Variants in BLTP1 observed in about 807,000 individuals in gnomAD.
BLTP1 encodes the protein fragile site-associated protein.
the BLTP1 span, chr4:122,235,105 C>T: frequency 8.3e-7 from 1 of 1,200,844 alleles, no homozygotes; most frequent in East Asian, 2.4e-5. Flanking sequence ...AGTGTTAACT[C>T]TGTTCAACTC....
At chr4:122,159,545 T>C in the BLTP1 span, among the ~76,000 whole-genome samples, 1 of 152,188 alleles carries the variant, frequency 6.6e-6, no homozygotes, top group Non-Finnish European at 1.5e-5. Context: ...GACTTTATTG[T>C]TTTTTAGCTT....
At chr4:122,241,692 A>T in the BLTP1 span, among the ~76,000 whole-genome samples, 1 of 152,198 alleles carries the variant, frequency 6.6e-6, no homozygotes, top group Non-Finnish European at 1.5e-5. Flanking sequence ...TTAAGGTTGT[A>T]CTGTTTTCTT....
chr4:122,360,514 C>T, the BLTP1 span, among the ~76,000 whole-genome samples: 1 of 152,096 alleles, frequency 6.6e-6, no homozygotes, highest in South Asian at 2.1e-4. Flanking sequence ...CCCAGCACAA[C>T]ATTCTGCAAA....
the BLTP1 span, among the ~76,000 whole-genome samples, chr4:122,220,813 A>G: frequency 6.6e-6 from 1 of 152,192 alleles, no homozygotes; most frequent in African/African-American, 2.4e-5. Context: ...CACAGCATAA[A>G]TGTTAATATT....
chr4:122,361,998 A>G, the BLTP1 span: 41 of 1,582,426 alleles, frequency 2.6e-5, no homozygotes, highest in African/African-American at 3.1e-4. Context: ...AGGGCATTAC[A>G]CTCCTTAATA....
At chr4:122,227,097 T>C in the BLTP1 span, 1 of 587,780 alleles carries the variant, frequency 1.7e-6, no homozygotes. Flanking sequence ...TTAACATTCA[T>C]GTCATATTGC....
chr4:122,244,103 T>A, the BLTP1 span: 15 of 1,402,064 alleles, frequency 1.1e-5, no homozygotes, highest in Non-Finnish European at 1.4e-5. Context: ...ATATGTGATA[T>A]GTTCGTGTAG....
chr4:122,244,136 A>G, the BLTP1 span: 3 of 1,145,648 alleles, frequency 2.6e-6, no homozygotes, highest in Non-Finnish European at 1.2e-6. Context: ...AGTTATAAGT[A>G]TATGTGATAT....
At chr4:122,188,256 A>G in the BLTP1 span, 1 of 639,774 alleles carries the variant, frequency 1.6e-6, no homozygotes, top group Non-Finnish European at 1.9e-6. Flanking sequence ...ATAAATGGAT[A>G]TGCTATCCAG....
At chr4:122,356,796 C>A in the BLTP1 span, 1 of 1,588,020 alleles carries the variant, frequency 6.3e-7, no homozygotes, top group Non-Finnish European at 8.5e-7. Flanking sequence ...GCAAGAATGG[C>A]AGCTGTCAAT....
chr4:122,318,828 T>C, the BLTP1 span, among the ~76,000 whole-genome samples: 9 of 152,350 alleles, frequency 5.9e-5, no homozygotes, highest in South Asian at 2.1e-4. Context: ...TAAAGGTAAC[T>C]TGTTAAGAGT....
chr4:122,175,992 A>G, the BLTP1 span: 1 of 792,060 alleles, frequency 1.3e-6, no homozygotes, highest in Non-Finnish European at 2.2e-6. Flanking sequence ...AAAATTAGAT[A>G]TGACCAGTTA....
the BLTP1 span, among the ~76,000 whole-genome samples, chr4:122,326,708 G>T: frequency 4.0e-5 from 6 of 151,214 alleles, no homozygotes; most frequent in Non-Finnish European, 5.9e-5. Flanking sequence ...TAAAAAAATG[G>T]TATATAAAAA....
the BLTP1 span, chr4:122,182,963 T>A: frequency 1.0e-6 from 1 of 983,614 alleles, no homozygotes; most frequent in South Asian, 4.7e-5. Flanking sequence ...ACTTCATACG[T>A]GTATTCTGGT....
chr4:122,336,086 C>T, the BLTP1 span: 10 of 829,374 alleles, frequency 1.2e-5, no homozygotes, highest in African/African-American at 1.7e-4. Context: ...CTTGTAAGGC[C>T]TTAAATGTGA....
chr4:122,307,827 A>G, the BLTP1 span: 3 of 1,496,872 alleles, frequency 2.0e-6, no homozygotes, highest in East Asian at 6.9e-5. Context: ...TTCTAATGCT[A>G]CAGTTTTCTG....
the BLTP1 span, chr4:122,222,876 C>T: frequency 6.8e-4 from 308 of 449,952 alleles, 1 homozygote; most frequent in African/African-American, 5.3e-3. Context: ...ATTCAACCCA[C>T]GCATGATGCA....
the BLTP1 span, among the ~76,000 whole-genome samples, chr4:122,299,357 TAAG>T: frequency 1.3e-5 from 2 of 151,988 alleles, no homozygotes; most frequent in African/African-American, 2.4e-5. Context: ...AAAAAATAAA[TAAG>T]AACAGAATGT....
At chr4:122,244,537 AATAAT>A in the BLTP1 span, 4 of 340,436 alleles carry the variant, frequency 1.2e-5, no homozygotes, top group Admixed American at 6.5e-5. Flanking sequence ...ATAATATTAC[AATAAT>A]ATAATATTAC....
Sources: allele counts gnomAD v4.1 joint callset (sites outside exome capture counted in the v4.1 genomes callset), GRCh38; gene constraint gnomAD v4.1.1; transcripts MANE v1.5; gene names NCBI Gene and HGNC (gene_info 2026-07-23, HGNC 2026-07-21).